Variants in CTNNA1 observed in about 807,000 individuals in gnomAD.
CTNNA1 encodes the protein catenin alpha-1.
Under a neutral mutation model 98.4 loss-of-function variants are expected in CTNNA1, and 37 were observed. The ratio of observed to expected loss-of-function variants is 0.38; its 90% CI spans 0.29 to 0.49. The LOEUF (loss-of-function observed/expected upper bound fraction) is 0.49, where lower values mean the gene tolerates loss of function less well. CTNNA1 is among the 20% of genes least tolerant of loss of function. The pLI is 0.95. For synonymous variants in CTNNA1, 404 were observed against 413.2 expected (o/e 0.98, Z 0.27); for missense variants, 761 against 1,147.2 (o/e 0.66, Z 4.86).
At chr5:138,897,928 T>C (rs977074400) in intron 9 of CTNNA1, among the ~76,000 whole-genome samples, 7 of 152,216 alleles carry the variant, frequency 4.6e-5, no homozygotes, top group Admixed American at 3.9e-4. Flanking sequence ...AAAGAAGCAC[T>C]CTGCCCAACC....
chr5:138,882,911 C>G (rs1428832126), intron 7 of CTNNA1, among the ~76,000 whole-genome samples: 2 of 152,258 alleles, frequency 1.3e-5, no homozygotes, highest in African/African-American at 4.8e-5. Context: ...TCACTGCAAC[C>G]TCTGCCTCCC....
At chr5:138,774,832 A>G (rs968928004) in intron 1 of CTNNA1, among the ~76,000 whole-genome samples, 3 of 151,536 alleles carry the variant, frequency 2.0e-5, no homozygotes, top group Non-Finnish European at 4.4e-5. Context: ...CGTGGTCTTG[A>G]TCTCCTGACC....
intron 13 of CTNNA1, among the ~76,000 whole-genome samples, chr5:138,925,944 G>T (rs981326050): frequency 6.6e-6 from 1 of 152,126 alleles, no homozygotes; most frequent in Non-Finnish European, 1.5e-5. Flanking sequence ...GAGGAGAAAG[G>T]GGCCTCTATG....
intron 7 of CTNNA1, among the ~76,000 whole-genome samples, chr5:138,881,502 C>T (rs1338163112): frequency 6.6e-6 from 1 of 152,190 alleles, no homozygotes; most frequent in Non-Finnish European, 1.5e-5. Flanking sequence ...TGTATTGACT[C>T]CCTAAAAGCT....
intron 10 of CTNNA1, among the ~76,000 whole-genome samples, chr5:138,914,615 C>T (rs960039989): frequency 2.0e-5 from 3 of 151,734 alleles, no homozygotes; most frequent in Admixed American, 6.6e-5. Context: ...AGAGGAATAG[C>T]GGCACCAATC....
intron 3 of CTNNA1, among the ~76,000 whole-genome samples, chr5:138,795,659 T>C (rs28597981): frequency 0.023 from 3,471 of 152,212 alleles, 133 homozygotes; most frequent in African/African-American, 0.08. Flanking sequence ...GGATGTTTTT[T>C]ACTCTGTAAA....
At chr5:138,879,899 G>A (rs1752523936) in intron 7 of CTNNA1, among the ~76,000 whole-genome samples, 1 of 152,212 alleles carries the variant, frequency 6.6e-6, no homozygotes, top group South Asian at 2.1e-4. Flanking sequence ...TATCCTTCTA[G>A]TTTTGGATAC....
chr5:138,838,830 C>T (rs1253765762), intron 7 of CTNNA1, among the ~76,000 whole-genome samples: 1 of 152,018 alleles, frequency 6.6e-6, no homozygotes, highest in Non-Finnish European at 1.5e-5. Flanking sequence ...CGGGTCTCAT[C>T]GTGTTACCCA....
intron 7 of CTNNA1, among the ~76,000 whole-genome samples, chr5:138,867,323 C>A (rs186368728): frequency 6.6e-6 from 1 of 152,296 alleles, no homozygotes; most frequent in Non-Finnish European, 1.5e-5. Context: ...GCCTATTCCT[C>A]CATGTGGTCC....
intron 3 of CTNNA1, among the ~76,000 whole-genome samples, chr5:138,792,730 C>T (rs1382897575): frequency 6.6e-6 from 1 of 152,064 alleles, no homozygotes; most frequent in East Asian, 1.9e-4. Flanking sequence ...GACAAGTGTT[C>T]CTACTTTGGA....
At chr5:138,821,412 C>G (rs1760028953) in intron 5 of CTNNA1, among the ~76,000 whole-genome samples, 1 of 152,188 alleles carries the variant, frequency 6.6e-6, no homozygotes, top group African/African-American at 2.4e-5. Context: ...ATTACCTAGT[C>G]TATGAATTCT....
chr5:138,780,822 CT>C (rs1561518853), intron 1 of CTNNA1, among the ~76,000 whole-genome samples: 1 of 152,140 alleles, frequency 6.6e-6, no homozygotes, highest in Admixed American at 6.6e-5. Context: ...AGCCTTTAAG[CT>C]TTTAAATGTC....
rs900080061 is a variant in CTNNA1 at position 138,794,352 on chromosome 5, T to TA, written c.301+10990dup. Among the ~76,000 whole-genome samples the TA allele has an allele frequency of 3.1e-3, 454 of 148,102 alleles. 2 individuals carry two copies. Among genetic ancestry groups the TA allele is most frequent in the African/African-American group, 8.7e-3 (355 of 40,602 alleles). On this transcript the variant is annotated intron_variant, in intron 3 of 17. Coordinates refer to ENST00000302763, the MANE Select transcript of CTNNA1 (RefSeq NM_001903.5). ...CAAAAGATAAACAGTTGTGTGGATT[T>TA]AAAAAAAAAACAAAAAAACAACTGC...
At chr5:138,762,700 C>A (rs1752499400) in intron 1 of CTNNA1, among the ~76,000 whole-genome samples, 1 of 151,768 alleles carries the variant, frequency 6.6e-6, no homozygotes, top group Non-Finnish European at 1.5e-5. Flanking sequence ...ATACAGTTCA[C>A]AGGGCAACTT....
intron 5 of CTNNA1, among the ~76,000 whole-genome samples, chr5:138,813,209 A>G (rs573268442): frequency 3.2e-4 from 49 of 152,212 alleles, no homozygotes; most frequent in Admixed American, 7.9e-4. Context: ...TTTCATCACT[A>G]TCGTCTTCAG....
At chr5:138,885,505 T>C (rs1416411274) in intron 7 of CTNNA1, among the ~76,000 whole-genome samples, 1 of 152,188 alleles carries the variant, frequency 6.6e-6, no homozygotes, top group Non-Finnish European at 1.5e-5. Context: ...TGCTATTTTA[T>C]TCCATTTGAT....
At position 138,887,537 on chromosome 5, in the gene CTNNA1, C is replaced by T. The variant is rs1754340709; in HGVS notation, c.1191C>T (p.Thr397=). Residue 397 remains threonine, a synonymous_variant, in exon 9 of 18, where the codon ACC becomes ACT. Coordinates refer to ENST00000302763, the MANE Select transcript of CTNNA1 (RefSeq NM_001903.5). ...ACGTTTCAGATTCTTTCCTGGAAAC[C>T]AATGTTCCACTTTTGGTATTGATTG... ...MDHVSDSFLE[T]NVPLLVLIEA... 3 of 1,610,312 alleles carry T rather than the reference C, an allele frequency of 1.9e-6. No homozygotes were observed. The East Asian group carries it at 6.7e-5, about 36-fold the overall frequency.
At chr5:138,770,318 A>T (rs980527506) in intron 1 of CTNNA1, among the ~76,000 whole-genome samples, 1 of 152,122 alleles carries the variant, frequency 6.6e-6, no homozygotes, top group Non-Finnish European at 1.5e-5. Flanking sequence ...CTTCCTCTGT[A>T]TCCATTATCA....
intron 7 of CTNNA1, chr5:138,869,556 A>G (rs1157623647): frequency 6.6e-6 from 1 of 152,220 alleles, no homozygotes; most frequent in East Asian, 1.9e-4. Context: ...TCAGAAAAAG[A>G]ACAGGACATT....
Sources: gnomAD v4.1 joint callset for allele counts (sites outside exome capture counted in the v4.1 genomes callset) on GRCh38, gnomAD v4.1.1 for gene constraint, MANE v1.5 for transcripts, NCBI Gene and HGNC (gene_info 2026-07-23, HGNC 2026-07-21) for gene names.